F12: variants seen among roughly 807,000 people sequenced by gnomAD.
F12 encodes the protein coagulation factor XII.
F12 carries 70 observed loss-of-function variants against 74.8 expected under a neutral mutation model. The ratio of observed to expected loss-of-function variants is 0.94; its 90% CI spans 0.77 to 1.14. The LOEUF (loss-of-function observed/expected upper bound fraction) is 1.14, where lower values mean the gene tolerates loss of function less well. F12 is among the 50% of genes most tolerant of loss of function. The pLI is 0.00. For synonymous variants in F12, 373 were observed against 356.4 expected (o/e 1.05, Z -0.52); for missense variants, 811 against 835.7 (o/e 0.97, Z 0.36).
chr5:177,409,529 G>A lies in F12; in HGVS notation c.-2C>T, dbSNP rs774877842. ...CCCCAGGAGCAGCAGAGCCCTCATG[G>A]CATCCGTCCGTTGGTCCAGCTGCCT... is the stretch of plus-strand genomic sequence containing the variant. On this transcript the variant is annotated 5_prime_UTR_variant, in exon 1 of 14. Transcript: ENST00000253496. 1.2e-6 allele frequency: 2 copies of A among 1,614,048 alleles called. No individual in the cohort carries two copies. The highest frequency in any genetic ancestry group is 1.7e-6 in the Non-Finnish European group (2 of 1,179,990).
At chr5:177,409,447 A>G (rs774888952) in intron 1 of F12, 24 bp downstream of exon 1, 6 of 1,613,268 alleles carry the variant, frequency 3.7e-6, no homozygotes. Flanking sequence ...ATCCTGGGAC[A>G]ATCCTGGTTC....
At position 177,403,434 on chromosome 5, in the gene F12, C is replaced by T. The variant is rs369553628; in HGVS notation, c.1388-37G>A. On this transcript the variant is annotated intron_variant, in intron 11 of 13. Coordinates refer to ENST00000253496, the MANE Select transcript of F12 (RefSeq NM_000505.4). ...GGAGAGGAGCGTGAGGCGGGGACGC[C>T]GGGGCCCCAAGCTCTCTTCCCGTCC... 7.7e-5 allele frequency: 120 copies of T among 1,568,030 alleles called. No individual in the cohort carries two copies. The African/African-American group carries it at 1.5e-3, about 19-fold the overall frequency.
At position 177,403,309 on chromosome 5, in the gene F12, C is replaced by A; in HGVS notation, c.1476G>T (p.Ala492=). 1 of 1,599,684 alleles carries A rather than the reference C, an allele frequency of 6.3e-7. No individual in the cohort carries two copies. The highest frequency in any genetic ancestry group is 8.5e-7 in the Non-Finnish European group (1 of 1,179,804). The change falls in exon 12 of 14, where the codon GCG becomes GCT. Residue 492 remains alanine (A), a synonymous_variant. Transcript: ENST00000253496. ...GGCAGAGCGTGGTCTCGGAGGGTCG[C>A]GCGGCGCCGCTTGGCAGGCACACCG... is the stretch of plus-strand genomic sequence containing the variant. The part of the protein sequence containing the change: ...VQPVCLPSGA[A]RPSETTLCQV...
At position 177,404,600 on chromosome 5, in the gene F12, G is replaced by A. The variant is rs1763238236; in HGVS notation, c.699C>T (p.Leu233=). ...LSYRGLARTT[L]SGAPCQPWAS... ...CCCACGGCTGACAGGGCGCACCCGAGAGCGTGGTCCTGGCCAGGCCGCGGT... is the reference window on the plus strand; with the variant it reads ...CCCACGGCTGACAGGGCGCACCCGAAAGCGTGGTCCTGGCCAGGCCGCGGT... Residue 233 remains leucine (L), a synonymous_variant, in exon 8 of 14, where the codon CTC becomes CTT. Transcript: ENST00000253496. 3.1e-6 allele frequency: 5 copies of A among 1,608,680 alleles called. No homozygotes were observed. Among genetic ancestry groups the A allele is most frequent in the Non-Finnish European group, 3.4e-6 (4 of 1,179,610 alleles).
At position 177,409,529 on chromosome 5, in the gene F12, G is replaced by T. The variant is rs774877842; in HGVS notation, c.-2C>A. On this transcript the variant is annotated 5_prime_UTR_variant, in exon 1 of 14. Coordinates refer to ENST00000253496, the MANE Select transcript of F12 (RefSeq NM_000505.4). Reference sequence around the variant, plus strand: ...CCCCAGGAGCAGCAGAGCCCTCATGGCATCCGTCCGTTGGTCCAGCTGCCT... The same window carrying T: ...CCCCAGGAGCAGCAGAGCCCTCATGTCATCCGTCCGTTGGTCCAGCTGCCT... 1 of 1,614,048 alleles carries T rather than the reference G, an allele frequency of 6.2e-7. No individual in the cohort carries two copies. The highest frequency in any genetic ancestry group is 1.3e-5 in the African/African-American group (1 of 75,034).
chr5:177,404,342 T>A lies in F12; in HGVS notation c.872A>T (p.Asp291Val). The A allele has an allele frequency of 1.2e-6, 2 of 1,610,948 alleles. No homozygotes were observed. Among genetic ancestry groups the A allele is most frequent in the Non-Finnish European group, 1.7e-6 (2 of 1,179,136 alleles). The change falls in exon 9 of 14, where the codon GAC (aspartate) becomes GTC (valine). Residue 291 changes from aspartate to valine, a missense_variant. Coordinates refer to ENST00000253496, the MANE Select transcript of F12 (RefSeq NM_000505.4). ...GGTTGGGGTCTGGCACTGTGCCAGG[T>A]CGCAGTACTCCCAGCTCAGCCGGTC... ...NRDRLSWEYC[D>V]LAQCQTPTQA...
Position 177,405,605 on chromosome 5 carries a change from C to T in F12, c.286+130G>A, listed in dbSNP as rs1003774012. The T allele has an allele frequency of 4.6e-5, 56 of 1,229,232 alleles. No individual in the cohort carries two copies. The Admixed American group carries it at 7.9e-4, about 17-fold the overall frequency. 76.1% of individuals were successfully genotyped at this position (1,229,232 alleles called of 1,614,324 possible). ...TTCCCAGAACTCTCCCTCTGGACTT[C>T]CAAAGGGTATTGTGGAGGGAGAGAA... On this transcript the variant is annotated intron_variant, in intron 4 of 13. Transcript: ENST00000253496.
In F12 at chr5:177,402,290, A is replaced by T. The variant is rs763140991; in HGVS notation, c.*2T>A. The T allele has an allele frequency of 6.8e-6, 11 of 1,613,540 alleles. No individual in the cohort carries two copies. Among genetic ancestry groups the T allele is most frequent in the Non-Finnish European group, 8.5e-6 (10 of 1,179,958 alleles). On this transcript the variant is annotated 3_prime_UTR_variant, in exon 14 of 14. Transcript: ENST00000253496. ...AGGAGGGAAAGATGAGTCCCTGAGC[A>T]ATCAGGAAACGGTGTGCTCCCGGAT...
chr5:177,404,555 C>T lies in F12; in HGVS notation c.744G>A (p.Arg248=). ...TCCGCGCTTGCTCGGCAGTCACGTT[C>T]CGGTAGGTGGCCTCCGAGGCCCACG... ...CQPWASEATY[R]NVTAEQARNW... is the part of the protein sequence containing the mutation. The change falls in exon 8 of 14, where the codon CGG becomes CGA. Residue 248 remains arginine (R), a synonymous_variant. Coordinates refer to ENST00000253496, the MANE Select transcript of F12 (RefSeq NM_000505.4). The T allele has an allele frequency of 6.2e-7, 1 of 1,605,678 alleles. No homozygotes were observed. Among genetic ancestry groups the T allele is most frequent in the Non-Finnish European group, 8.5e-7 (1 of 1,177,274 alleles).
intron 10 of F12, 119 bp from the exon 11 acceptor site, chr5:177,403,736 G>A: frequency 6.7e-7 from 1 of 1,490,828 alleles, no homozygotes; most frequent in South Asian, 1.3e-5. Flanking sequence ...AGCTCCGGAG[G>A]GGCGTGGAAA....
chr5:177,409,192 C>G (rs538522895), intron 1 of F12, 89 bp from the exon 2 acceptor site: 2 of 1,354,640 alleles, frequency 1.5e-6, no homozygotes, highest in Non-Finnish European at 2.1e-6. Flanking sequence ...TCTCACAGCC[C>G]AGAAATGCAG....
Position 177,402,960 on chromosome 5 carries a change from A to C in F12, c.1532-262T>G, listed in dbSNP as rs568959530. 8 of 670,038 alleles carry C rather than the reference A, an allele frequency of 1.2e-5. No individual in the cohort carries two copies. The East Asian group carries it at 1.9e-4, about 16-fold the overall frequency. 41.5% of individuals were successfully genotyped at this position (670,038 alleles called of 1,614,324 possible). A position where few individuals can be genotyped will look rare whatever the true frequency, so the allele number is the denominator to read the frequency against. On this transcript the variant is annotated intron_variant, in intron 12 of 13. Transcript: ENST00000253496. Reference sequence around the variant, plus strand: ...CAGAGTCGCAGAACCTGGCTCCCACACTAGCCCGGAGCGCGGGGCCAGCGT... The same window carrying C: ...CAGAGTCGCAGAACCTGGCTCCCACCCTAGCCCGGAGCGCGGGGCCAGCGT...
intron 2 of F12, among the ~76,000 whole-genome samples, chr5:177,408,429 G>A (rs1483778840): frequency 2.0e-5 from 3 of 152,166 alleles, no homozygotes; most frequent in Non-Finnish European, 2.9e-5. Context: ...GGAAATGGCA[G>A]GTACCCTTCA....
In F12 at chr5:177,402,201, C is replaced by G; in HGVS notation, c.*91G>C. 2 of 1,538,260 alleles carry G rather than the reference C, an allele frequency of 1.3e-6. No homozygotes were observed. The highest frequency in any genetic ancestry group is 1.8e-6 in the Non-Finnish European group (2 of 1,128,872). Reference sequence around the variant, plus strand: ...CCATCCTGGCGCGGAGCTGGCCGCACTGGGGGAATGGGACACAATCTTGCC... The same window carrying G: ...CCATCCTGGCGCGGAGCTGGCCGCAGTGGGGGAATGGGACACAATCTTGCC... On this transcript the variant is annotated 3_prime_UTR_variant, in exon 14 of 14. Coordinates refer to ENST00000253496, the MANE Select transcript of F12 (RefSeq NM_000505.4).
chr5:177,408,107 G>A (rs1047796474), intron 2 of F12, among the ~76,000 whole-genome samples: 3 of 151,412 alleles, frequency 2.0e-5, no homozygotes, highest in African/African-American at 7.3e-5. Flanking sequence ...CCAAGCTGGA[G>A]TGCAATGGTG....
Position 177,404,401 on chromosome 5 carries a change from G to A in F12, c.813C>T (p.Asn271=). 1.9e-6 allele frequency: 3 copies of A among 1,611,836 alleles called. No individual in the cohort carries two copies. Among genetic ancestry groups the A allele is most frequent in the Non-Finnish European group, 1.7e-6 (2 of 1,179,604 alleles). ...GGHAFCRNPD[N]DIRPWCFVLN... ...GCACGAAGCACCACGGGCGGATGTC[G>A]TTGTCCGGGTTCCTGTAGCCACACG... is the stretch of plus-strand genomic sequence containing the variant. Residue 271 remains asparagine (N), a synonymous_variant, in exon 9 of 14, where the codon AAC becomes AAT. Transcript: ENST00000253496.
At position 177,402,270 on chromosome 5, in the gene F12, G is replaced by A. The variant is rs750561316; in HGVS notation, c.*22C>T. On this transcript the variant is annotated 3_prime_UTR_variant, in exon 14 of 14. Coordinates refer to ENST00000253496, the MANE Select transcript of F12 (RefSeq NM_000505.4). ...CTCTCACTGCGGAATCACCAAGGAGGGAAAGATGAGTCCCTGAGCAATCAG... is the reference window on the plus strand; with the variant it reads ...CTCTCACTGCGGAATCACCAAGGAGAGAAAGATGAGTCCCTGAGCAATCAG... The A allele has an allele frequency of 4.3e-6, 7 of 1,613,062 alleles. No homozygotes were observed. In the South Asian group the frequency reaches 7.7e-5, roughly 18 times the overall value.
At position 177,405,737 on chromosome 5, in the gene F12, T is replaced by A; in HGVS notation, c.284A>T (p.Lys95Ile). The change falls in exon 4 of 14, where the codon AAA (lysine) becomes ATA (isoleucine). Residue 95 changes from lysine (K) to isoleucine (I), a missense_variant and splice_region_variant. Transcript: ENST00000253496. ...WGYCLEPKKV[K>I]DHCSKHSPCQ... Reference sequence around the variant, plus strand: ...ACCCCAGAGGCTGTGTGTAGCACCTTTCACTTTCTTGGGCTCCAAACAGTA... The same window carrying A: ...ACCCCAGAGGCTGTGTGTAGCACCTATCACTTTCTTGGGCTCCAAACAGTA... The A allele has an allele frequency of 6.2e-7, 1 of 1,614,118 alleles. No individual in the cohort carries two copies. The highest frequency in any genetic ancestry group is 8.5e-7 in the Non-Finnish European group (1 of 1,179,984).
chr5:177,407,455 A>C (rs1227446261), intron 2 of F12, among the ~76,000 whole-genome samples: 1 of 152,200 alleles, frequency 6.6e-6, no homozygotes, highest in Non-Finnish European at 1.5e-5. Flanking sequence ...CAGAACTAGG[A>C]CAGTAAATGG....
Sources: allele counts gnomAD v4.1 joint callset (sites outside exome capture counted in the v4.1 genomes callset), GRCh38; gene constraint gnomAD v4.1.1; transcripts MANE v1.5; gene names NCBI Gene and HGNC (gene_info 2026-07-23, HGNC 2026-07-21).